Variants in AEN observed in about 807,000 individuals in gnomAD.
The protein encoded by AEN is apoptosis-enhancing nuclease.
A neutral mutation model predicts 17.7 loss-of-function variants in AEN; 21 were observed. The ratio of observed to expected loss-of-function variants is 1.19; its 90% CI spans 0.84 to 1.71. The LOEUF (loss-of-function observed/expected upper bound fraction) is 1.71. Among genes scored for constraint, AEN ranks in the 40% most tolerant of loss-of-function variants. AEN has a pLI of 0.00. For missense variants in AEN, 462 were observed against 435.9 expected (o/e 1.06, Z -0.53); for synonymous variants, 190 against 173.0 (o/e 1.10, Z -0.77).
chr15:88,606,966 GA>G, the AEN span, among the ~76,000 whole-genome samples: 6 of 151,102 alleles, frequency 4.0e-5, no homozygotes, highest in Non-Finnish European at 7.4e-5. Context: ...CTTAAAATGA[GA>G]AAAAAAAATT....
intron 2 of AEN, chr15:88,627,566 AAG>A (rs1245067329): frequency 1.3e-5 from 2 of 152,130 alleles, no homozygotes; most frequent in Admixed American, 1.3e-4. Context: ...TGCTTGTGGA[AAG>A]AGGAGTCAGA....
upstream of AEN, among the ~76,000 whole-genome samples, chr15:88,620,568 A>G (rs1204665255): frequency 9.7e-6 from 1 of 103,202 alleles, no homozygotes; most frequent in African/African-American, 4.1e-5. Flanking sequence ...GCTCCCGTCA[A>G]CGCCCGGCTA....
intron 2 of AEN, chr15:88,628,529 TGAG>T (rs1382457099): frequency 1.3e-5 from 2 of 152,332 alleles, no homozygotes; most frequent in Non-Finnish European, 2.9e-5. Context: ...GTTAAGAGGA[TGAG>T]GAGGAGTTGG....
At chr15:88,623,903 G>A (rs1268555529) in intron 1 of AEN, among the ~76,000 whole-genome samples, 1 of 152,222 alleles carries the variant, frequency 6.6e-6, no homozygotes, top group Non-Finnish European at 1.5e-5. Flanking sequence ...CTACACCCCA[G>A]TGACTTGAGG....
rs1270406323 is a variant in AEN at position 88,626,969 on chromosome 15, G to A, written c.540+220G>A. 11 of 579,790 alleles carry A rather than the reference G, an allele frequency of 1.9e-5. No homozygotes were observed. The Middle Eastern group carries it at 1.3e-3, about 71-fold the overall frequency. The allele number at this position is 579,790 out of a possible 1,614,324, so 35.9% of individuals were successfully genotyped here. A position where few individuals can be genotyped will look rare whatever the true frequency, so the allele number is the denominator to read the frequency against. On this transcript the variant is annotated intron_variant, in intron 2 of 3. Coordinates refer to ENST00000332810, the MANE Select transcript of AEN (RefSeq NM_022767.4). The stretch of plus-strand genomic sequence containing the variant: ...TTGCTGGCCTGTTGCACAGGACAAT[G>A]TAGAAAGGCTACACCAACTGTAAGG...
chr15:88,608,023 G>GT, the AEN span: 328 of 469,802 alleles, frequency 7.0e-4, 1 homozygote, highest in African/African-American at 4.5e-3. Flanking sequence ...CAGTTGTGTG[G>GT]TTTTTTTTAA....
At position 88,631,910 on chromosome 15, in the gene AEN, A is replaced by G. The variant is rs1208653260; in HGVS notation, c.*1616A>G. Reference sequence around the variant, plus strand: ...TCCCGACACTGTGCGGGAGGTGACAACAGAGCAAAGCAGCGCAGGGGTCAG... The same window carrying G: ...TCCCGACACTGTGCGGGAGGTGACAGCAGAGCAAAGCAGCGCAGGGGTCAG... On this transcript the variant is annotated 3_prime_UTR_variant, in exon 4 of 4. Coordinates refer to ENST00000332810, the MANE Select transcript of AEN (RefSeq NM_022767.4). 1 of 152,350 alleles carries G rather than the reference A, an allele frequency of 6.6e-6. No individual in the cohort carries two copies. Among genetic ancestry groups the G allele is most frequent in the Non-Finnish European group, 1.5e-5 (1 of 68,118 alleles). The allele number at this position is 152,350 out of a possible 1,614,324, so 9.4% of individuals were successfully genotyped here. A position where few individuals can be genotyped will look rare whatever the true frequency, so the allele number is the denominator to read the frequency against.
chr15:88,631,104 C>T lies in AEN; in HGVS notation c.*810C>T, dbSNP rs1404105008. 6.6e-6 allele frequency: 3 copies of T among 456,460 alleles called. No homozygotes were observed. The highest frequency in any genetic ancestry group is 8.8e-6 in the Non-Finnish European group (2 of 226,748). The allele number at this position is 456,460 out of a possible 1,614,324, so 28.3% of individuals were successfully genotyped here. On this transcript the variant is annotated 3_prime_UTR_variant, in exon 4 of 4. Coordinates refer to ENST00000332810, the MANE Select transcript of AEN (RefSeq NM_022767.4). ...ACCCAAATCAGGGATTTCCCCAGTC[C>T]ACCCAGTACTGGGCTCTTAAGCAAA...
the AEN span, among the ~76,000 whole-genome samples, chr15:88,609,268 A>T: frequency 6.6e-6 from 1 of 152,202 alleles, no homozygotes; most frequent in Admixed American, 6.5e-5. Context: ...TGATTCCCTC[A>T]AACTCAGTTG....
In AEN at chr15:88,629,138, A is replaced by C; in HGVS notation, c.541-88A>C. 3.1e-6 allele frequency: 4 copies of C among 1,285,770 alleles called. No homozygotes were observed. In the South Asian group the frequency reaches 5.1e-5, roughly 16 times the overall value. 79.6% of individuals were successfully genotyped at this position (1,285,770 alleles called of 1,614,324 possible). A position where few individuals can be genotyped will look rare whatever the true frequency, so the allele number is the denominator to read the frequency against. On this transcript the variant is annotated intron_variant, in intron 2 of 3. Coordinates refer to ENST00000332810, the MANE Select transcript of AEN (RefSeq NM_022767.4). ...TGCCTCCCCCCACAGGGATCCATGC[A>C]TCTATTGGCCAGGGGTTCTCAGGGC...
In AEN at chr15:88,626,572, A is replaced by G. The variant is rs754474507; in HGVS notation, c.363A>G (p.Gly121=). The G allele has an allele frequency of 3.1e-6, 5 of 1,614,012 alleles. No individual in the cohort carries two copies. The African/African-American group carries it at 6.7e-5, about 22-fold the overall frequency. The change falls in exon 2 of 4, where the codon GGA becomes GGG. Residue 121 remains glycine, a synonymous_variant. Coordinates refer to ENST00000332810, the MANE Select transcript of AEN (RefSeq NM_022767.4). ...VAIDCEMVGT[G]PRGRVSELAR... The stretch of plus-strand genomic sequence containing the variant: ...TCGACTGTGAGATGGTGGGCACGGG[A>G]CCCCGAGGGCGGGTAAGCGAGCTGG...
rs1286163611 is a variant in AEN, at chr15:88,630,310, C to G, written c.*16C>G. The G allele has an allele frequency of 2.6e-6, 4 of 1,561,172 alleles. No individual in the cohort carries two copies. The highest frequency in any genetic ancestry group is 2.7e-5 in the African/African-American group (2 of 73,742). On this transcript the variant is annotated 3_prime_UTR_variant, in exon 4 of 4. Transcript: ENST00000332810. The surrounding 1 kb of genome is among the most constrained non-coding windows in gnomAD (Gnocchi z 5.1). ...AAGGAATTGAGAAGGGGGCGGGGCTCCCTGGCTGGGCTTCCGGTGTGGCCG... is the reference window on the plus strand; with the variant it reads ...AAGGAATTGAGAAGGGGGCGGGGCTGCCTGGCTGGGCTTCCGGTGTGGCCG...
intron 1 of AEN, among the ~76,000 whole-genome samples, chr15:88,624,794 A>C (rs911026884): frequency 1.3e-5 from 2 of 151,846 alleles, no homozygotes; most frequent in Non-Finnish European, 2.9e-5. Context: ...GAGGCAGGAG[A>C]ATCGCTTGAA....
intron 1 of AEN, among the ~76,000 whole-genome samples, chr15:88,622,071 A>G (rs1027157483): frequency 1.3e-5 from 2 of 152,140 alleles, no homozygotes; most frequent in Non-Finnish European, 2.9e-5. Context: ...AGGGTCTAGA[A>G]CTGCCCTCTG....
rs937608973 is a variant in AEN at position 88,630,288 on chromosome 15, G to C, written c.972G>C (p.Arg324Ser). 1.3e-6 allele frequency: 2 copies of C among 1,578,446 alleles called. No individual in the cohort carries two copies. The highest frequency in any genetic ancestry group is 1.7e-4 in the Middle Eastern group (1 of 6,010). ...GAGCCAGGGAGGCACAGGACAGAAG[G>C]AATTGAGAAGGGGGCGGGGCTCCCT... ...RGGAREAQDR[R>S]N The change falls in exon 4 of 4, where the codon AGG becomes AGC. Residue 324 changes from arginine (R) to serine (S), a missense_variant. Coordinates refer to ENST00000332810, the MANE Select transcript of AEN (RefSeq NM_022767.4). This position sits in a 1 kb window ranked among gnomAD's most constrained non-coding sequence, Gnocchi z 5.1.
the AEN span, among the ~76,000 whole-genome samples, chr15:88,609,641 C>G: frequency 6.6e-6 from 1 of 152,236 alleles, no homozygotes; most frequent in Admixed American, 6.5e-5. Flanking sequence ...AGTTGGTGGG[C>G]TCAAGGGCAG....
At chr15:88,627,800 G>A (rs569521125) in intron 2 of AEN, 1 of 152,334 alleles carries the variant, frequency 6.6e-6, no homozygotes, top group East Asian at 1.9e-4. Flanking sequence ...ATGAAATTAT[G>A]CACAAGCAAA....
At chr15:88,616,815 A>G (rs2057742498), upstream of AEN, among the ~76,000 whole-genome samples, 1 of 152,210 alleles carries the variant, frequency 6.6e-6, no homozygotes. Flanking sequence ...TCAGTACTTT[A>G]TTATAACATT....
chr15:88,605,974 A>G, the AEN span, among the ~76,000 whole-genome samples: 1 of 152,226 alleles, frequency 6.6e-6, no homozygotes. This position sits in a 1 kb window ranked among gnomAD's most constrained non-coding sequence, Gnocchi z 7.6. Flanking sequence ...AGCGGGACTC[A>G]TCTTCCTCAT....
Sources: allele counts gnomAD v4.1 joint callset (sites outside exome capture counted in the v4.1 genomes callset), GRCh38; gene constraint gnomAD v4.1.1; non-coding constraint Gnocchi (gnomAD v3.1); transcripts MANE v1.5; gene names NCBI Gene and HGNC (gene_info 2026-07-23, HGNC 2026-07-21).